The following L1CAM variants were observed in gnomAD, a reference collection of about 807,000 sequenced individuals.
L1CAM encodes the protein L1 cell adhesion molecule, also known as neural cell adhesion molecule L1.
In L1CAM, 8 loss-of-function variants were observed where a neutral mutation model predicts 93.0. That is an observed-to-expected ratio of 0.09 (90% confidence interval 0.05 to 0.16). The LOEUF (loss-of-function observed/expected upper bound fraction) is 0.16, where lower values mean the gene tolerates loss of function less well. Among genes scored for constraint, L1CAM ranks in the 10% least tolerant of loss-of-function variants. The pLI is 1.00. For synonymous variants in L1CAM, 453 were observed against 453.0 expected, an observed-to-expected ratio of 1.00 and a Z score of 0.00; for missense variants, 777 against 1,073.4, an observed-to-expected ratio of 0.72 and a Z score of 3.86.
chrX:153,884,246 G>C, intron 1 of L1CAM: 1 of 1,013,166 alleles, frequency 9.9e-7, no homozygotes, highest in Admixed American at 2.6e-5. Context: ...GTACACGACT[G>C]CCCATCGCTG....
intron 1 of L1CAM, chrX:153,885,487 C>A (rs894236796): frequency 2.4e-6 from 2 of 843,025 alleles, no homozygotes; most frequent in Non-Finnish European, 3.1e-6. Flanking sequence ...AGGAGGAGAA[C>A]AAAGCCCCCC....
At position 153,864,824 on chromosome X, in the gene L1CAM, A is replaced by G; in HGVS notation, c.3043T>C (p.Ser1015Pro). The G allele has an allele frequency of 8.2e-7, 1 of 1,212,147 alleles. No individual in the cohort carries two copies. Among genetic ancestry groups the G allele is most frequent in the Non-Finnish European group, 1.1e-6 (1 of 895,499 alleles). The change falls in exon 23 of 29, where the codon TCT (serine) becomes CCT (proline). Residue 1015 changes from serine to proline, a missense_variant. By Grantham distance (74) the Ser-to-Pro change is moderately conservative (BLOSUM62 -1). Coordinates refer to ENST00000370060, the MANE Select transcript of L1CAM (RefSeq NM_001278116.2). The part of the protein sequence containing the change: ...IVREGGTMAL[S>P]GISDFGNISA... ...GCAGGTCATTCCTCCAGCTTACCAGACAAGGCCATAGTGCCTCCTTCCCGT... is the reference window on the plus strand; with the variant it reads ...GCAGGTCATTCCTCCAGCTTACCAGGCAAGGCCATAGTGCCTCCTTCCCGT...
chrX:153,872,806 C>T, intron 3 of L1CAM, 109 bp from the exon 4 acceptor site: 3 of 645,959 alleles, frequency 4.6e-6, no homozygotes, highest in Non-Finnish European at 7.7e-6. Context: ...CCTGGAGGCC[C>T]CATGGCCACA....
At chrX:153,873,741 GC>G (rs2148501224) in intron 2 of L1CAM, among the ~76,000 whole-genome samples, 1 of 112,498 alleles carries the variant, frequency 8.9e-6, no homozygotes, top group African/African-American at 3.2e-5. Flanking sequence ...GAGCCCTGCT[GC>G]CCCCTCCCCC....
chrX:153,877,382 A>C (rs1473708919), intron 1 of L1CAM, among the ~76,000 whole-genome samples: 1 of 107,702 alleles, frequency 9.3e-6, no homozygotes, highest in Non-Finnish European at 1.9e-5. Flanking sequence ...GAATCACTTG[A>C]ACCCAGGAGG....
Position 153,868,966 on chromosome X carries a change from A to C in L1CAM, c.1268-14T>G. On this transcript the variant is annotated splice_polypyrimidine_tract_variant and intron_variant, in intron 11 of 28. Transcript: ENST00000370060. ...TGGCTGGCAGCTCTAGGGGAGGAAC[A>C]GCCTCAGGAGACAGGGCAGGACTTG... 8.6e-7 allele frequency: 1 copy of C among 1,167,980 alleles called. No homozygotes were observed. Among genetic ancestry groups the C allele is most frequent in the East Asian group, 3.0e-5 (1 of 33,710 alleles).
chrX:153,871,050 C>T lies in L1CAM; in HGVS notation c.523+7G>A. On this transcript the variant is annotated splice_region_variant and intron_variant, in intron 6 of 28. Coordinates refer to ENST00000370060, the MANE Select transcript of L1CAM (RefSeq NM_001278116.2). ...ACCCCACGAGGCAGCCGCTCGCCGG[C>T]ACCCACTGCTGTTCATCCAGTAGAT... 8.3e-7 allele frequency: 1 copy of T among 1,211,558 alleles called. No individual in the cohort carries two copies. The highest frequency in any genetic ancestry group is 1.1e-6 in the Non-Finnish European group (1 of 895,484).
At chrX:153,869,013 C>T (rs2064742663) in intron 11 of L1CAM, 61 bp from the exon 12 acceptor site, 2 of 959,774 alleles carry the variant, frequency 2.1e-6, no homozygotes, top group Non-Finnish European at 1.5e-6. Context: ...GGGCCAGGAG[C>T]CAGGGACCCT....
intron 1 of L1CAM, among the ~76,000 whole-genome samples, chrX:153,882,858 G>A (rs1484416327): frequency 8.9e-6 from 1 of 112,236 alleles, no homozygotes; most frequent in East Asian, 2.8e-4. Context: ...AGAACACGGG[G>A]ACCTGGGCTG....
chrX:153,873,223 C>G lies in L1CAM; in HGVS notation c.91+5G>C. 1 of 1,210,933 alleles carries G rather than the reference C, an allele frequency of 8.3e-7. No individual in the cohort carries two copies. Among genetic ancestry groups the G allele is most frequent in the Non-Finnish European group, 1.1e-6 (1 of 894,403 alleles). On this transcript the variant is annotated splice_donor_5th_base_variant and intron_variant, in intron 3 of 28. Coordinates refer to ENST00000370060, the MANE Select transcript of L1CAM (RefSeq NM_001278116.2). The stretch of plus-strand genomic sequence containing the variant: ...GGGAAACACTCTCACCCCTCCCCAA[C>G]TTACCATGGTGTCCTTCATCTGAGA...
chrX:153,865,550 GC>G, intron 20 of L1CAM, 50 bp from the exon 21 acceptor site: 1 of 1,112,960 alleles, frequency 9.0e-7, no homozygotes, highest in Non-Finnish European at 1.2e-6. Context: ...ACCCAGCAGG[GC>G]CCCCAGCGCA....
At chrX:153,872,984 C>A (rs2064786066) in intron 3 of L1CAM, 4 of 453,758 alleles carry the variant, frequency 8.8e-6, no homozygotes, top group Non-Finnish European at 1.5e-5. Context: ...GAAGGACAAA[C>A]CCCAGACAGG....
At chrX:153,883,468 G>T (rs781994290) in intron 1 of L1CAM, among the ~76,000 whole-genome samples, 2 of 111,473 alleles carry the variant, frequency 1.8e-5, no homozygotes, top group East Asian at 5.7e-4. Context: ...AGAAGGAGGT[G>T]TCCGAGATGG....
intron 1 of L1CAM, among the ~76,000 whole-genome samples, chrX:153,882,127 AGGCCCCACGGGCCCCCTCCAGG>A (rs2064848238): frequency 9.0e-6 from 1 of 111,466 alleles, no homozygotes; most frequent in Admixed American, 9.4e-5. Context: ...AGACACTGCC[AGGCCCCACGGGCCCCCTCCAGG>A]GGCCCCACTC....
intron 1 of L1CAM, among the ~76,000 whole-genome samples, chrX:153,877,366 G>T (rs1358772975): frequency 9.3e-6 from 1 of 107,862 alleles, no homozygotes; most frequent in Non-Finnish European, 1.9e-5. Flanking sequence ...GGAGGCTGAG[G>T]CAGGAGAATC....
intron 11 of L1CAM, 62 bp from the exon 12 acceptor site, chrX:153,869,014 C>T: frequency 2.1e-6 from 2 of 948,451 alleles, no homozygotes; most frequent in South Asian, 2.0e-5. Flanking sequence ...GGCCAGGAGC[C>T]AGGGACCCTC....
Position 153,868,720 on chromosome X carries a change from C to T in L1CAM, c.1387G>A (p.Glu463Lys), listed in dbSNP as rs202175564. 9.9e-6 allele frequency: 12 copies of T among 1,211,784 alleles called. No homozygotes were observed. The highest frequency in any genetic ancestry group is 7.0e-5 in the South Asian group (4 of 57,024). Residue 463 changes from glutamate (E) to lysine (K), a missense_variant, in exon 13 of 29, where the codon GAG (glutamate) becomes AAG (lysine). This residue lies in a region of L1CAM where 574 missense variants were observed against 781.0 expected (regional missense o/e 0.73). Transcript: ENST00000370060. ...TCCTGAAGCACTGTTGTCCCATCCT[C>T]GTCCAGCCTGGAGGGAGCAGGGCGG... Reference protein sequence around the residue: ...APVPSVQWLDEDGTTVLQDER... With the variant: ...APVPSVQWLDKDGTTVLQDER...
chrX:153,869,404 G>T, intron 11 of L1CAM, 116 bp downstream of exon 11: 2 of 872,825 alleles, frequency 2.3e-6, no homozygotes, highest in Non-Finnish European at 3.3e-6. Context: ...AAAGGTCGGC[G>T]CCAGCCTGGT....
chrX:153,870,953 C>T lies in L1CAM; in HGVS notation c.531G>A (p.Leu177=), dbSNP rs1557092915. The part of the protein sequence containing the change: ...LRIYWMNSKI[L]HIKQDERVTM... ...TCACCCGCTCGTCCTGCTTGATGTG[C>T]AAGATCTCTGCAGGGGGCAAGGAGG... Residue 177 remains leucine (L), a synonymous_variant, in exon 7 of 29, where the codon TTG becomes TTA. Transcript: ENST00000370060. 1 of 1,211,226 alleles carries T rather than the reference C, an allele frequency of 8.3e-7. No homozygotes were observed. The highest frequency in any genetic ancestry group is 2.2e-5 in the Admixed American group (1 of 45,945).
Sources: allele counts gnomAD v4.1 joint callset (sites outside exome capture counted in the v4.1 genomes callset), GRCh38; gene constraint gnomAD v4.1.1; regional missense constraint gnomAD v4.1.1; transcripts MANE v1.5; gene names NCBI Gene and HGNC (gene_info 2026-07-23, HGNC 2026-07-21).